The following CEP162 variants were observed in gnomAD, a reference collection of about 807,000 sequenced individuals.
CEP162 encodes centrosomal protein 162, also known as centrosomal protein of 162 kDa.
In CEP162, 141 loss-of-function variants were observed where a neutral mutation model predicts 169.2. The ratio of observed to expected loss-of-function variants is 0.83; its 90% CI spans 0.73 to 0.96. CEP162 has a LOEUF of 0.96. Ranked by LOEUF, CEP162 falls within the 40% of genes least tolerant of loss-of-function variation. The pLI is 0.00. For missense variants in CEP162, 1,600 were observed against 1,587.2 expected, an observed-to-expected ratio of 1.01 and a Z score of -0.14; for synonymous variants, 540 against 526.4, an observed-to-expected ratio of 1.03 and a Z score of -0.35.
At chr6:84,173,274 A>G (rs890834325) in intron 16 of CEP162, among the ~76,000 whole-genome samples, 9 of 152,208 alleles carry the variant, frequency 5.9e-5, no homozygotes, top group Non-Finnish European at 8.8e-5. Context: ...GCTATATCCC[A>G]ATAAGGCCAA....
chr6:84,180,345 C>G (rs889963190), intron 13 of CEP162, among the ~76,000 whole-genome samples: 8 of 152,180 alleles, frequency 5.3e-5, no homozygotes, highest in African/African-American at 1.9e-4. Flanking sequence ...GGACGTATCT[C>G]AAAATAATAA....
chr6:84,128,794 C>G lies in CEP162; in HGVS notation c.3871-2282G>C, dbSNP rs548120161. Among the ~76,000 whole-genome samples, 7 of 152,088 alleles carry G rather than the reference C, an allele frequency of 4.6e-5. No homozygotes were observed. The South Asian group carries it at 1.2e-3, about 27-fold the overall frequency. On this transcript the variant is annotated intron_variant, in intron 25 of 26. Coordinates refer to ENST00000403245, the MANE Select transcript of CEP162 (RefSeq NM_014895.4). ...TGCCATGATGGTTTGCTGCACCCAT[C>G]AACCCGTCATCTACATTAGGTATTT...
chr6:84,221,781 A>C (rs914123006), intron 2 of CEP162, among the ~76,000 whole-genome samples: 8 of 151,966 alleles, frequency 5.3e-5, no homozygotes, highest in East Asian at 1.9e-4. Context: ...AAACCTTCAA[A>C]CACCACCCAC....
intron 6 of CEP162, among the ~76,000 whole-genome samples, chr6:84,211,446 G>A (rs1180504743): frequency 6.7e-6 from 1 of 149,058 alleles, no homozygotes; most frequent in Non-Finnish European, 1.5e-5. Context: ...AGAATGGCAT[G>A]AGCCCGGGAG....
intron 25 of CEP162, among the ~76,000 whole-genome samples, chr6:84,141,108 G>A (rs1054257922): frequency 6.6e-6 from 1 of 152,058 alleles, no homozygotes; most frequent in African/African-American, 2.4e-5. Flanking sequence ...ATGCTCACTC[G>A]CCCCCTGCTC....
chr6:84,226,735 C>A (rs1226603421), intron 1 of CEP162, among the ~76,000 whole-genome samples: 1 of 152,184 alleles, frequency 6.6e-6, no homozygotes, highest in Non-Finnish European at 1.5e-5. Flanking sequence ...TGTTTGTGTG[C>A]ATGTGTTAAT....
intron 3 of CEP162, among the ~76,000 whole-genome samples, chr6:84,217,638 G>C (rs749277692): frequency 2.0e-5 from 3 of 152,228 alleles, no homozygotes; most frequent in Non-Finnish European, 4.4e-5. Context: ...TTTATAACAA[G>C]TGAAATGAGA....
intron 13 of CEP162, among the ~76,000 whole-genome samples, chr6:84,182,103 C>A (rs183492974): frequency 6.6e-6 from 1 of 151,888 alleles, no homozygotes; most frequent in Non-Finnish European, 1.5e-5. Context: ...AAAGTGTAAT[C>A]TCATTCTTAT....
intron 6 of CEP162, among the ~76,000 whole-genome samples, chr6:84,210,836 C>T (rs996687277): frequency 6.6e-6 from 1 of 152,008 alleles, no homozygotes; most frequent in African/African-American, 2.4e-5. Flanking sequence ...TTGGGATGTG[C>T]CTTAGCAGTA....
chr6:84,153,792 A>G (rs1462372399), intron 22 of CEP162, among the ~76,000 whole-genome samples: 1 of 152,188 alleles, frequency 6.6e-6, no homozygotes, highest in Admixed American at 6.6e-5. Context: ...CTAGCAACAA[A>G]AAGACTCAGT....
chr6:84,150,402 T>G (rs553196132), intron 23 of CEP162, among the ~76,000 whole-genome samples: 2 of 152,282 alleles, frequency 1.3e-5, no homozygotes, highest in South Asian at 4.1e-4. Flanking sequence ...AAGCATGTAT[T>G]TTAGTAAACT....
intron 23 of CEP162, 59 bp downstream of exon 23, chr6:84,152,486 A>C: frequency 1.0e-6 from 1 of 954,540 alleles, no homozygotes; most frequent in African/African-American, 1.7e-5. Context: ...ATATCGTATA[A>C]TTTTTCTATT....
chr6:84,202,281 C>T (rs2099544838), intron 7 of CEP162, among the ~76,000 whole-genome samples: 1 of 152,078 alleles, frequency 6.6e-6, no homozygotes. Context: ...ATTAGAGGTT[C>T]CCTTAGAATA....
In CEP162 at chr6:84,156,743, G is replaced by GACAC. The variant is rs71736099; in HGVS notation, c.2782-1237_2782-1234dup. ...AAAGGAAAATAAATCGTATCAAAAA[G>GACAC]ACACACACACACACACACACACACA... On this transcript the variant is annotated intron_variant, in intron 21 of 26. Transcript: ENST00000403245. 3.9e-3 allele frequency among the ~76,000 whole-genome samples: 494 copies of GACAC among 125,650 alleles called. 1 individual carries two copies. Among genetic ancestry groups the GACAC allele is most frequent in the African/African-American group, 0.013 (337 of 25,190 alleles). The allele number at this position is 125,650 out of a possible 152,430, so 82.4% of individuals were successfully genotyped here.
chr6:84,184,210 T>C (rs2099536120), intron 13 of CEP162, among the ~76,000 whole-genome samples: 1 of 152,104 alleles, frequency 6.6e-6, no homozygotes, highest in Non-Finnish European at 1.5e-5. Flanking sequence ...GTCAATTATT[T>C]TTCTTTCTAT....
intron 12 of CEP162, 148 bp downstream of exon 12, chr6:84,186,184 T>C: frequency 2.0e-6 from 1 of 509,318 alleles, no homozygotes; most frequent in Non-Finnish European, 3.4e-6. Flanking sequence ...GTAACAAACA[T>C]CACTCACAAA....
chr6:84,223,557 A>G (rs1263277487), intron 2 of CEP162, among the ~76,000 whole-genome samples: 1 of 151,582 alleles, frequency 6.6e-6, no homozygotes, highest in Non-Finnish European at 1.5e-5. Context: ...AATAGAAATA[A>G]AACAACAAAA....
intron 9 of CEP162, 103 bp downstream of exon 9, chr6:84,200,686 T>C: frequency 2.2e-6 from 1 of 452,354 alleles, no homozygotes; most frequent in Non-Finnish European, 3.9e-6. Context: ...AAAGTTTTCA[T>C]TATCAATATA....
intron 19 of CEP162, among the ~76,000 whole-genome samples, chr6:84,162,385 C>T (rs73750531): frequency 0.044 from 6,677 of 152,128 alleles, 470 homozygotes; most frequent in African/African-American, 0.15. Flanking sequence ...CTATATTTTA[C>T]GGAAAAGGGA....
Sources: gnomAD v4.1 joint callset for allele counts (sites outside exome capture counted in the v4.1 genomes callset) on GRCh38, gnomAD v4.1.1 for gene constraint, MANE v1.5 for transcripts, NCBI Gene and HGNC (gene_info 2026-07-23, HGNC 2026-07-21) for gene names.